ASCC3: variants seen among roughly 807,000 people sequenced by gnomAD.
The protein encoded by ASCC3 is activating signal cointegrator 1 complex subunit 3.
In ASCC3, 158 loss-of-function variants were observed where a neutral mutation model predicts 256.3. The ratio of observed to expected loss-of-function variants is 0.62; its 90% CI spans 0.54 to 0.70. The LOEUF is 0.70. Ranked by LOEUF, ASCC3 falls within the 30% of genes least tolerant of loss-of-function variation. ASCC3 has a pLI of 0.00. For missense variants in ASCC3, 2,259 were observed against 2,626.0 expected, an observed-to-expected ratio of 0.86 and a Z score of 3.05; for synonymous variants, 948 against 883.4, an observed-to-expected ratio of 1.07 and a Z score of -1.30.
intron 10 of ASCC3, among the ~76,000 whole-genome samples, chr6:100,745,069 C>T (rs1780600005): frequency 6.6e-6 from 1 of 152,184 alleles, no homozygotes; most frequent in Non-Finnish European, 1.5e-5. Flanking sequence ...GGGCTCACGC[C>T]TGTAATCCCA....
Position 100,629,020 on chromosome 6 carries a change from A to T in ASCC3, c.4370T>A (p.Leu1457Gln). 6.2e-7 allele frequency: 1 copy of T among 1,612,946 alleles called. No homozygotes were observed. The highest frequency in any genetic ancestry group is 2.2e-5 in the East Asian group (1 of 44,856). ...VTILIIDEIHLLGEERGPVLE... is the reference protein window; with the variant it reads ...VTILIIDEIHQLGEERGPVLE... The stretch of plus-strand genomic sequence containing the variant: ...TTAGATACAGTGGTACCTACCAAGC[A>T]GATGGATCTCATCTATGATGAGAAT... Residue 1457 changes from leucine (L) to glutamine (Q), a missense_variant, in exon 27 of 42, where the codon CTG becomes CAG. Coordinates refer to ENST00000369162, the MANE Select transcript of ASCC3 (RefSeq NM_006828.4).
rs375842395 is a variant in ASCC3 at position 100,849,059 on chromosome 6, T to C, written c.242-352A>G. On this transcript the variant is annotated intron_variant, in intron 3 of 41. Coordinates refer to ENST00000369162, the MANE Select transcript of ASCC3 (RefSeq NM_006828.4). ...AGGTTGGGGCTGCAGCGAGCCATGA[T>C]TGTGTCACTGTACTCAGCCTGGGCA... Among the ~76,000 whole-genome samples the C allele has an allele frequency of 3.3e-5, 5 of 152,238 alleles. 1 individual carries two copies. Among genetic ancestry groups the C allele is most frequent in the African/African-American group, 1.2e-4 (5 of 41,528 alleles).
At chr6:100,587,661 T>C (rs928124169) in intron 36 of ASCC3, among the ~76,000 whole-genome samples, 5 of 152,222 alleles carry the variant, frequency 3.3e-5, no homozygotes, top group Non-Finnish European at 7.3e-5. Flanking sequence ...TCTATATAAA[T>C]ATTCCGTTAT....
chr6:100,631,671 T>G (rs1035354621), intron 25 of ASCC3, among the ~76,000 whole-genome samples: 5 of 151,924 alleles, frequency 3.3e-5, no homozygotes, highest in Non-Finnish European at 5.9e-5. Flanking sequence ...TGTTGAAGTT[T>G]TGAAGAGAAA....
At chr6:100,828,656 A>C (rs907266418) in intron 4 of ASCC3, among the ~76,000 whole-genome samples, 1 of 152,048 alleles carries the variant, frequency 6.6e-6, no homozygotes, top group African/African-American at 2.4e-5. Flanking sequence ...ACAGCTCTTA[A>C]GGCGGTGCAT....
chr6:100,848,323 G>A lies in ASCC3; in HGVS notation c.626C>T (p.Thr209Ile). 1.9e-6 allele frequency: 3 copies of A among 1,614,080 alleles called. No individual in the cohort carries two copies. The highest frequency in any genetic ancestry group is 1.7e-6 in the Non-Finnish European group (2 of 1,180,002). ...FLNEHLQEAC[T>I]PELKPVEKTN... Reference sequence around the variant, plus strand: ...TTTTTCCACAGGCTTGAGTTCTGGGGTGCAAGCCTCCTGGAGATGTTCATT... The same window carrying A: ...TTTTTCCACAGGCTTGAGTTCTGGGATGCAAGCCTCCTGGAGATGTTCATT... Residue 209 changes from threonine (T) to isoleucine (I), a missense_variant, in exon 4 of 42, where the codon ACC becomes ATC. By Grantham distance (89) the Thr-to-Ile change is moderately conservative (BLOSUM62 -1). Around this residue, in one of 2 missense-constraint regions of ASCC3, gnomAD observed 420 missense variants for 419.3 expected, o/e 1.00. Coordinates refer to ENST00000369162, the MANE Select transcript of ASCC3 (RefSeq NM_006828.4).
At chr6:100,713,105 C>T (rs189659580) in intron 13 of ASCC3, among the ~76,000 whole-genome samples, 72 of 152,094 alleles carry the variant, frequency 4.7e-4, no homozygotes, top group Non-Finnish European at 5.9e-4. Flanking sequence ...AACTTACGTC[C>T]GGACAAAAAC....
At position 100,848,719 on chromosome 6, in the gene ASCC3, C is replaced by G; in HGVS notation, c.242-12G>C. 1.2e-6 allele frequency: 2 copies of G among 1,608,432 alleles called. No homozygotes were observed. The highest frequency in any genetic ancestry group is 1.7e-6 in the Non-Finnish European group (2 of 1,179,348). ...ATTATCAGTTCCAACTATTCAAAGA[C>G]AAAAGAAACAGTATTAGCTCAATTG... is the stretch of plus-strand genomic sequence containing the variant. On this transcript the variant is annotated splice_polypyrimidine_tract_variant and intron_variant, in intron 3 of 41. Coordinates refer to ENST00000369162, the MANE Select transcript of ASCC3 (RefSeq NM_006828.4).
intron 11 of ASCC3, among the ~76,000 whole-genome samples, chr6:100,722,192 T>C (rs1779374069): frequency 6.6e-6 from 1 of 151,900 alleles, no homozygotes; most frequent in South Asian, 2.1e-4. Context: ...ATTTGGTCTA[T>C]GTGTCTGTTT....
intron 40 of ASCC3, among the ~76,000 whole-genome samples, chr6:100,510,934 G>C (rs909038680): frequency 6.6e-6 from 1 of 152,138 alleles, no homozygotes; most frequent in African/African-American, 2.4e-5. Flanking sequence ...AAGGGAGTCA[G>C]AGAGTAATAT....
intron 13 of ASCC3, among the ~76,000 whole-genome samples, chr6:100,714,254 G>C (rs984195276): frequency 6.6e-6 from 1 of 152,038 alleles, no homozygotes; most frequent in Non-Finnish European, 1.5e-5. Context: ...GCCAGCCTCT[G>C]ACCTAGAACA....
At position 100,556,976 on chromosome 6, in the gene ASCC3, G is replaced by C. The variant is rs144174570; in HGVS notation, c.5551-16589C>G. On this transcript the variant is annotated intron_variant, in intron 36 of 41. Transcript: ENST00000369162. ...AAAAATTCATCTTGGAAGTATTAAA[G>C]ACTGTGAATGCAGCTCACATAGAAC... Among the ~76,000 whole-genome samples, 440 of 152,224 alleles carry C rather than the reference G, an allele frequency of 2.9e-3. 2 individuals carry two copies. Among genetic ancestry groups the C allele is most frequent in the African/African-American group, 0.01 (431 of 41,544 alleles).
chr6:100,792,461 G>T (rs903338415), intron 8 of ASCC3, among the ~76,000 whole-genome samples: 1 of 151,736 alleles, frequency 6.6e-6, no homozygotes, highest in Non-Finnish European at 1.5e-5. Flanking sequence ...ATATCCAAAG[G>T]TAACAGCAAT....
chr6:100,764,661 T>C (rs1039626961), intron 10 of ASCC3, among the ~76,000 whole-genome samples: 3 of 152,180 alleles, frequency 2.0e-5, no homozygotes, highest in Non-Finnish European at 4.4e-5. Context: ...TTGAATTAAA[T>C]CTATCAATAT....
chr6:100,786,661 C>G (rs1171567845), intron 8 of ASCC3, among the ~76,000 whole-genome samples: 7 of 152,088 alleles, frequency 4.6e-5, no homozygotes, highest in Admixed American at 4.6e-4. Flanking sequence ...TTGGATTCAA[C>G]AGAATTTAAC....
chr6:100,635,346 A>C (rs192239057), intron 25 of ASCC3, among the ~76,000 whole-genome samples: 62 of 152,278 alleles, frequency 4.1e-4, no homozygotes, highest in African/African-American at 1.4e-3. Flanking sequence ...ACATAGAAAG[A>C]AAAATACTGC....
intron 8 of ASCC3, among the ~76,000 whole-genome samples, chr6:100,790,886 A>G (rs1219830131): frequency 6.6e-6 from 1 of 151,874 alleles, no homozygotes; most frequent in Non-Finnish European, 1.5e-5. Flanking sequence ...TCTGTTTGCA[A>G]GTGTTCCCAG....
intron 33 of ASCC3, among the ~76,000 whole-genome samples, chr6:100,604,444 A>AT (rs1024618200): frequency 3.3e-5 from 5 of 149,622 alleles, no homozygotes; most frequent in South Asian, 2.1e-4. Context: ...TAGACTACTA[A>AT]TTTTTTTTTC....
At chr6:100,857,397 C>A (rs1475737090) in intron 3 of ASCC3, 2 of 152,012 alleles carry the variant, frequency 1.3e-5, no homozygotes, top group Non-Finnish European at 2.9e-5. Flanking sequence ...TTACTACAGT[C>A]CAACTTAATC....
Sources: gnomAD v4.1 joint callset for allele counts (sites outside exome capture counted in the v4.1 genomes callset) on GRCh38, gnomAD v4.1.1 for gene constraint, gnomAD v4.1.1 regional missense constraint, MANE v1.5 for transcripts, NCBI Gene and HGNC (gene_info 2026-07-23, HGNC 2026-07-21) for gene names.